The following LHFPL6 variants were observed in gnomAD, a reference collection of about 807,000 sequenced individuals.
The protein encoded by LHFPL6 is LHFPL tetraspan subfamily member 6, also known as LHFPL tetraspan subfamily member 6 protein.
LHFPL6 carries 9 observed loss-of-function variants against 20.6 expected under a neutral mutation model. The ratio of observed to expected loss-of-function variants is 0.44; its 90% CI spans 0.26 to 0.76. The LOEUF (loss-of-function observed/expected upper bound fraction) is 0.76. Ranked by LOEUF, LHFPL6 falls within the 30% of genes least tolerant of loss-of-function variation. The pLI, the probability that LHFPL6 is intolerant of heterozygous loss-of-function variation, is 0.20. For missense variants in LHFPL6, 218 were observed against 253.5 expected (o/e 0.86, Z 0.95); for synonymous variants, 105 against 98.7 (o/e 1.06, Z -0.38).
intron 3 of LHFPL6, among the ~76,000 whole-genome samples, chr13:39,349,266 T>C (rs1441670946): frequency 2.0e-5 from 3 of 152,212 alleles, no homozygotes; most frequent in Non-Finnish European, 1.5e-5. Flanking sequence ...TATTGAGATA[T>C]AGCCAGCCAA....
At chr13:39,354,528 T>G (rs1424082273) in intron 3 of LHFPL6, among the ~76,000 whole-genome samples, 1 of 152,168 alleles carries the variant, frequency 6.6e-6, no homozygotes, top group Non-Finnish European at 1.5e-5. Context: ...CCGGAAATGG[T>G]TGCTAACCAG....
intron 2 of LHFPL6, among the ~76,000 whole-genome samples, chr13:39,575,997 CAT>C (rs1363034493): frequency 6.6e-6 from 1 of 152,198 alleles, no homozygotes; most frequent in African/African-American, 2.4e-5. Flanking sequence ...CTAGAGGAGG[CAT>C]CTCTTCCTTC....
Position 39,470,414 on chromosome 13 carries a change from C to T in LHFPL6, c.386-91888G>A, listed in dbSNP as rs557084188. On this transcript the variant is annotated intron_variant, in intron 2 of 3. Coordinates refer to ENST00000379589, the MANE Select transcript of LHFPL6 (RefSeq NM_005780.3). The stretch of plus-strand genomic sequence containing the variant: ...CAACTTTCTAATCATTATTATATGC[C>T]AGTTTTTATACGGTAATTAAACACT... Among the ~76,000 whole-genome samples the T allele has an allele frequency of 9.0e-4, 137 of 151,396 alleles. 1 individual carries two copies. Among genetic ancestry groups the T allele is most frequent in the East Asian group, 5.8e-4 (3 of 5,158 alleles).
At chr13:39,499,381 C>A (rs75169795) in intron 2 of LHFPL6, among the ~76,000 whole-genome samples, 3,270 of 152,320 alleles carry the variant, frequency 0.021, 122 homozygotes, top group African/African-American at 0.074. Flanking sequence ...TGGATCATGG[C>A]AGCAGCCTCC....
intron 2 of LHFPL6, among the ~76,000 whole-genome samples, chr13:39,449,609 AC>A (rs1255827007): frequency 6.6e-6 from 1 of 152,166 alleles, no homozygotes; most frequent in Non-Finnish European, 1.5e-5. Flanking sequence ...AGACTGCCTT[AC>A]CTTTAATTTA....
intron 2 of LHFPL6, among the ~76,000 whole-genome samples, chr13:39,516,534 T>G (rs1221480802): frequency 6.6e-6 from 1 of 152,190 alleles, no homozygotes. Context: ...TAAATCCCAC[T>G]GGTGTGGAGA....
chr13:39,406,267 T>C (rs1441721756), intron 2 of LHFPL6, among the ~76,000 whole-genome samples: 1 of 152,196 alleles, frequency 6.6e-6, no homozygotes, highest in East Asian at 1.9e-4. Flanking sequence ...GTATGACTTT[T>C]TGTGCACAGG....
intron 2 of LHFPL6, among the ~76,000 whole-genome samples, chr13:39,448,639 C>T (rs2138419467): frequency 6.6e-6 from 1 of 152,308 alleles, no homozygotes; most frequent in South Asian, 2.1e-4. Context: ...ACAGAAATCA[C>T]ATGCCTACAA....
intron 2 of LHFPL6, among the ~76,000 whole-genome samples, chr13:39,388,229 A>C (rs572091026): frequency 8.1e-4 from 124 of 152,364 alleles, no homozygotes; most frequent in African/African-American, 2.9e-3. Context: ...AATGTTTTTC[A>C]AAATGGTGCC....
chr13:39,592,251 A>G (rs188526244), intron 2 of LHFPL6, among the ~76,000 whole-genome samples: 189 of 152,306 alleles, frequency 1.2e-3, no homozygotes, highest in Non-Finnish European at 8.7e-4. Flanking sequence ...ACTGGTGACC[A>G]TGACAATTTG....
intron 2 of LHFPL6, among the ~76,000 whole-genome samples, chr13:39,442,371 A>G (rs1872163617): frequency 6.6e-6 from 1 of 152,220 alleles, no homozygotes; most frequent in African/African-American, 2.4e-5. Context: ...AAACCTTAAG[A>G]AAAATATGTT....
chr13:39,394,237 G>C (rs1270622848), intron 2 of LHFPL6, among the ~76,000 whole-genome samples: 1 of 152,172 alleles, frequency 6.6e-6, no homozygotes, highest in African/African-American at 2.4e-5. Context: ...ACTGCACCGA[G>C]CCCCAAATTT....
At chr13:39,540,212 T>C (rs1037848177) in intron 2 of LHFPL6, among the ~76,000 whole-genome samples, 1 of 152,070 alleles carries the variant, frequency 6.6e-6, no homozygotes, top group South Asian at 2.1e-4. Context: ...AGCCACAATT[T>C]TCATGATAAT....
intron 2 of LHFPL6, among the ~76,000 whole-genome samples, chr13:39,413,378 T>C (rs1871276211): frequency 6.6e-6 from 1 of 151,154 alleles, no homozygotes; most frequent in Non-Finnish European, 1.5e-5. Flanking sequence ...GAAAATAAGA[T>C]TAAAATATTC....
intron 2 of LHFPL6, among the ~76,000 whole-genome samples, chr13:39,542,039 C>G (rs571900347): frequency 6.6e-6 from 1 of 150,562 alleles, no homozygotes; most frequent in East Asian, 2.0e-4. Flanking sequence ...TGCAGTGAGC[C>G]GAGATCATGC....
chr13:39,582,968 A>G (rs1317101646), intron 2 of LHFPL6, among the ~76,000 whole-genome samples: 1 of 152,180 alleles, frequency 6.6e-6, no homozygotes, highest in Non-Finnish European at 1.5e-5. Flanking sequence ...TATTATATTA[A>G]GTCTCAGGTG....
intron 2 of LHFPL6, among the ~76,000 whole-genome samples, chr13:39,487,400 A>T (rs1286531783): frequency 6.6e-6 from 1 of 152,204 alleles, no homozygotes; most frequent in Non-Finnish European, 1.5e-5. Context: ...CTCTAGCCAC[A>T]TCAAGGGATT....
At chr13:39,458,360 C>T (rs1427126219) in intron 2 of LHFPL6, among the ~76,000 whole-genome samples, 1 of 152,084 alleles carries the variant, frequency 6.6e-6, no homozygotes, top group African/African-American at 2.4e-5. Context: ...AATGGATACA[C>T]ACCTAGGAAA....
intron 2 of LHFPL6, among the ~76,000 whole-genome samples, chr13:39,495,658 C>T (rs1167662606): frequency 6.6e-6 from 1 of 151,186 alleles, no homozygotes; most frequent in Admixed American, 6.6e-5. Flanking sequence ...TTATAGATTC[C>T]TAGATTGTAT....
Sources: allele counts gnomAD v4.1 joint callset (sites outside exome capture counted in the v4.1 genomes callset), GRCh38; gene constraint gnomAD v4.1.1; transcripts MANE v1.5; gene names NCBI Gene and HGNC (gene_info 2026-07-23, HGNC 2026-07-21).